The following PACS2 variants were observed in gnomAD, a reference collection of about 807,000 sequenced individuals.
The protein encoded by PACS2 is phosphofurin acidic cluster sorting protein 2.
In PACS2, 36 loss-of-function variants were observed where a neutral mutation model predicts 113.0. That is an observed-to-expected ratio of 0.32 (90% CI 0.24 to 0.42). The LOEUF is 0.42. Ranked by LOEUF, PACS2 falls within the 10% of genes least tolerant of loss-of-function variation. The pLI is 1.00. For synonymous variants in PACS2, 589 were observed against 536.1 expected (o/e 1.10, Z -1.36); for missense variants, 1,015 against 1,239.5 (o/e 0.82, Z 2.72).
Position 105,315,848 on chromosome 14 carries a change from C to G in PACS2, c.119+811C>G, listed in dbSNP as rs113896520. ...CTAAGGAGGAGAGAGACACGCTCTCCGGAAAAGTTCTGGTTCTAGAATAGA... is the reference window on the plus strand; with the variant it reads ...CTAAGGAGGAGAGAGACACGCTCTCGGGAAAAGTTCTGGTTCTAGAATAGA... On this transcript the variant is annotated intron_variant, in intron 1 of 24. Coordinates refer to ENST00000447393, the MANE Select transcript of PACS2 (RefSeq NM_001100913.3). The surrounding 1 kb of genome is among the most constrained non-coding windows in gnomAD (Gnocchi z 4.4). Among the ~76,000 whole-genome samples the G allele has an allele frequency of 2.7e-3, 415 of 152,316 alleles. 5 individuals carry two copies. Among genetic ancestry groups the G allele is most frequent in the African/African-American group, 9.6e-3 (398 of 41,574 alleles).
In PACS2 at chr14:105,366,575, G is replaced by C. The variant is rs2060948842; in HGVS notation, c.424-638G>C. ...CCGGGGCTTGTTCTGCAGCTCCGTG[G>C]TTTGAGTGCCTCACAACAGAGGAGC... On this transcript the variant is annotated intron_variant, in intron 4 of 24. Coordinates refer to ENST00000447393, the MANE Select transcript of PACS2 (RefSeq NM_001100913.3). The surrounding 1 kb of genome is among the most constrained non-coding windows in gnomAD (Gnocchi z 4.3). Among the ~76,000 whole-genome samples the C allele has an allele frequency of 6.6e-6, 1 of 152,174 alleles. No homozygotes were observed. Among genetic ancestry groups the C allele is most frequent in the Non-Finnish European group, 1.5e-5 (1 of 68,030 alleles).
chr14:105,347,094 G>A (rs587655548), intron 1 of PACS2, among the ~76,000 whole-genome samples: 8 of 146,480 alleles, frequency 5.5e-5, no homozygotes, highest in South Asian at 2.3e-4. Context: ...CAAGTCAGGC[G>A]CGTCCCACCC....
At chr14:105,372,045 C>G (rs1012862323) in intron 8 of PACS2, 4 of 152,270 alleles carry the variant, frequency 2.6e-5, no homozygotes, top group Non-Finnish European at 4.4e-5. Flanking sequence ...CCTTGGTGGT[C>G]AGGTTTCAGT....
chr14:105,375,481 C>CAA (rs34549878), intron 8 of PACS2, among the ~76,000 whole-genome samples: 3,110 of 50,064 alleles, frequency 0.062, 288 homozygotes, highest in African/African-American at 0.17. Flanking sequence ...GACTCCATCT[C>CAA]AAAAAAAAAA....
intron 1 of PACS2, among the ~76,000 whole-genome samples, chr14:105,338,340 A>T (rs928690576): frequency 6.6e-6 from 1 of 152,140 alleles, no homozygotes; most frequent in Non-Finnish European, 1.5e-5. Context: ...CTTGTTCTGT[A>T]ACTCACAAAA....
At position 105,340,847 on chromosome 14, in the gene PACS2, T is replaced by C. The variant is rs2059695628; in HGVS notation, c.120-7646T>C. Among the ~76,000 whole-genome samples the C allele has an allele frequency of 6.6e-6, 1 of 152,248 alleles. No individual in the cohort carries two copies. Among genetic ancestry groups the C allele is most frequent in the Non-Finnish European group, 1.5e-5 (1 of 68,032 alleles). On this transcript the variant is annotated intron_variant, in intron 1 of 24. Transcript: ENST00000447393. This position sits in a 1 kb window ranked among gnomAD's most constrained non-coding sequence, Gnocchi z 4.2. ...CGTGGTGGCTGCCTGGGACCTGCCC[T>C]TGCAGCCAGGGTGAAAGGAGTGGGC...
In PACS2 at chr14:105,340,542, G is replaced by A. The variant is rs74912849; in HGVS notation, c.120-7951G>A. ...AAGCAGCGTGCAGCCTGGATCCCTC[G>A]CGTGCACAGTTACAATAGGGTTCTT... On this transcript the variant is annotated intron_variant, in intron 1 of 24. Coordinates refer to ENST00000447393, the MANE Select transcript of PACS2 (RefSeq NM_001100913.3). The surrounding 1 kb of genome is among the most constrained non-coding windows in gnomAD (Gnocchi z 4.2). 0.024 allele frequency among the ~76,000 whole-genome samples: 3,657 copies of A among 152,236 alleles called. 166 individuals are homozygous for A. Among genetic ancestry groups the A allele is most frequent in the African/African-American group, 0.082 (3,415 of 41,520 alleles).
intron 4 of PACS2, among the ~76,000 whole-genome samples, chr14:105,362,439 A>G (rs587762307): frequency 2.6e-5 from 4 of 151,420 alleles, no homozygotes; most frequent in Non-Finnish European, 5.9e-5. Context: ...AAGAAAAGAA[A>G]AAAAAAGAAT....
At chr14:105,307,259 T>C (rs2058217342) in intron 1 of PACS2, among the ~76,000 whole-genome samples, 2 of 152,168 alleles carry the variant, frequency 1.3e-5, no homozygotes, top group South Asian at 4.1e-4. Flanking sequence ...ACCTGCCTCC[T>C]TTCATCAGGC....
chr14:105,308,559 T>G (rs902429649), intron 1 of PACS2, among the ~76,000 whole-genome samples: 1 of 148,258 alleles, frequency 6.7e-6, no homozygotes, highest in African/African-American at 2.5e-5. Context: ...CTTGGCTCAC[T>G]GCAACCTCCG....
Position 105,366,115 on chromosome 14 carries a change from C to T in PACS2, c.424-1098C>T, listed in dbSNP as rs1401441287. On this transcript the variant is annotated intron_variant, in intron 4 of 24. Transcript: ENST00000447393. This position sits in a 1 kb window ranked among gnomAD's most constrained non-coding sequence, Gnocchi z 4.3. Reference sequence around the variant, plus strand: ...CTGTAATCCCAGCACTTTGGGAGGCCGAGGCAGGCAGATCATTTGAGGTCA... The same window carrying T: ...CTGTAATCCCAGCACTTTGGGAGGCTGAGGCAGGCAGATCATTTGAGGTCA... Among the ~76,000 whole-genome samples the T allele has an allele frequency of 2.6e-5, 4 of 152,060 alleles. No homozygotes were observed. The highest frequency in any genetic ancestry group is 6.5e-5 in the Admixed American group (1 of 15,268).
At chr14:105,350,780 A>T (rs1335213954) in intron 2 of PACS2, among the ~76,000 whole-genome samples, 24 of 152,256 alleles carry the variant, frequency 1.6e-4, no homozygotes, top group African/African-American at 5.1e-4. Flanking sequence ...GCTAAGAGGG[A>T]CCCGACGCAG....
chr14:105,357,503 C>T lies in PACS2; in HGVS notation c.423+2326C>T, dbSNP rs2060499569. On this transcript the variant is annotated intron_variant, in intron 4 of 24. Coordinates refer to ENST00000447393, the MANE Select transcript of PACS2 (RefSeq NM_001100913.3). The surrounding 1 kb of genome is among the most constrained non-coding windows in gnomAD (Gnocchi z 5.1). ...TCCAGGCCCTCGGGGCATCCTTCCA[C>T]CTTCCACTGGCAGCCTGGTCCCAGA... Among the ~76,000 whole-genome samples the T allele has an allele frequency of 6.6e-6, 1 of 152,176 alleles. No individual in the cohort carries two copies. The highest frequency in any genetic ancestry group is 1.5e-5 in the Non-Finnish European group (1 of 68,038).
intron 17 of PACS2, 140 bp from the exon 18 acceptor site, chr14:105,384,739 C>T: frequency 3.0e-6 from 2 of 662,970 alleles, no homozygotes; most frequent in Non-Finnish European, 5.6e-6. Flanking sequence ...AGCACCAGGG[C>T]CCCTCAGCTG....
In PACS2 at chr14:105,320,777, G is replaced by A. The variant is rs892342330; in HGVS notation, c.119+5740G>A. 2.6e-5 allele frequency among the ~76,000 whole-genome samples: 4 copies of A among 152,206 alleles called. 1 individual carries two copies. The highest frequency in any genetic ancestry group is 4.1e-4 in the South Asian group (2 of 4,828). The stretch of plus-strand genomic sequence containing the variant: ...TTCCTTGTGAAATGAAATGAGTACT[G>A]CCTCTTTTGCTGTATCGTGGTATAG... On this transcript the variant is annotated intron_variant, in intron 1 of 24. Transcript: ENST00000447393.
intron 2 of PACS2, among the ~76,000 whole-genome samples, chr14:105,352,003 C>T (rs2060197980): frequency 6.6e-6 from 1 of 152,212 alleles, no homozygotes; most frequent in South Asian, 2.1e-4. Context: ...AAAACCAAAA[C>T]CAGAAGAGGC....
chr14:105,385,662 T>G, intron 18 of PACS2, 23 bp from the exon 19 acceptor site: 1 of 1,514,310 alleles, frequency 6.6e-7, no homozygotes, highest in Middle Eastern at 1.7e-4. Context: ...GTCTGTTTTC[T>G]CTTTTGGTGG....
chr14:105,362,941 G>A (rs1337436900), intron 4 of PACS2, among the ~76,000 whole-genome samples: 3 of 152,172 alleles, frequency 2.0e-5, no homozygotes, highest in Admixed American at 1.3e-4. Context: ...AACAACATTC[G>A]TCTCCTGCGA....
At chr14:105,301,958 G>A (rs976942525) in intron 1 of PACS2, among the ~76,000 whole-genome samples, 3 of 152,100 alleles carry the variant, frequency 2.0e-5, no homozygotes, top group Non-Finnish European at 4.4e-5. Flanking sequence ...CCAACATGGC[G>A]AAACCCCGTC....
Sources: allele counts gnomAD v4.1 joint callset (sites outside exome capture counted in the v4.1 genomes callset), GRCh38; gene constraint gnomAD v4.1.1; non-coding constraint Gnocchi (gnomAD v3.1); transcripts MANE v1.5; gene names NCBI Gene and HGNC (gene_info 2026-07-23, HGNC 2026-07-21).